Variants in PTGER3 observed in about 807,000 individuals in gnomAD.
PTGER3 encodes the protein prostaglandin E2 receptor EP3 subtype.
A neutral mutation model predicts 34.7 loss-of-function variants in PTGER3; 22 were observed. That is an observed-to-expected ratio of 0.63 (90% CI 0.45 to 0.91). The LOEUF (loss-of-function observed/expected upper bound fraction) is 0.91, where lower values mean the gene tolerates loss of function less well. PTGER3 is among the 40% of genes least tolerant of loss of function. The pLI is 0.00. For missense variants in PTGER3, 468 were observed against 519.4 expected, an observed-to-expected ratio of 0.90 and a Z score of 0.96; for synonymous variants, 241 against 230.1, an observed-to-expected ratio of 1.05 and a Z score of -0.43.
intron 1 of PTGER3, among the ~76,000 whole-genome samples, chr1:71,038,364 T>A (rs559968495): frequency 6.6e-6 from 1 of 152,346 alleles, no homozygotes; most frequent in Admixed American, 6.5e-5. Flanking sequence ...CATGGCCTTT[T>A]GTTTTTGTAT....
intron 1 of PTGER3, among the ~76,000 whole-genome samples, chr1:71,029,831 C>T (rs1256808705): frequency 6.6e-6 from 1 of 151,786 alleles, no homozygotes; most frequent in African/African-American, 2.4e-5. Flanking sequence ...GAGGCTGAGG[C>T]AGGAGAATCA....
At chr1:70,937,551 T>C (rs1233937253) in intron 4 of PTGER3, among the ~76,000 whole-genome samples, 1 of 152,120 alleles carries the variant, frequency 6.6e-6, no homozygotes, top group Non-Finnish European at 1.5e-5. Flanking sequence ...AAAGGAATAG[T>C]TAGGTGAAGA....
chr1:70,870,914 T>A (rs1289097573), intron 4 of PTGER3, among the ~76,000 whole-genome samples: 3 of 152,214 alleles, frequency 2.0e-5, no homozygotes, highest in Non-Finnish European at 4.4e-5. Context: ...GTTTACCTCA[T>A]CTTCCTGTCG....
At chr1:70,872,621 T>C (rs1646186281) in intron 4 of PTGER3, among the ~76,000 whole-genome samples, 1 of 152,308 alleles carries the variant, frequency 6.6e-6, no homozygotes, top group African/African-American at 2.4e-5. Flanking sequence ...CAGACCTCAT[T>C]CTATTTGACG....
At chr1:71,015,116 T>C (rs186077041) in intron 1 of PTGER3, among the ~76,000 whole-genome samples, 38 of 152,312 alleles carry the variant, frequency 2.5e-4, no homozygotes, top group African/African-American at 8.2e-4. Context: ...TTAATCCTCA[T>C]CATTTCTACT....
intron 4 of PTGER3, among the ~76,000 whole-genome samples, chr1:70,921,314 G>T (rs1048312862): frequency 1.3e-5 from 2 of 152,164 alleles, no homozygotes; most frequent in Non-Finnish European, 2.9e-5. Flanking sequence ...CAGTGTCACT[G>T]CAAAGGGTGG....
At chr1:70,887,080 CT>C (rs1276990194) in intron 4 of PTGER3, among the ~76,000 whole-genome samples, 1 of 152,214 alleles carries the variant, frequency 6.6e-6, no homozygotes, top group East Asian at 1.9e-4. Context: ...ATAATTTTTC[CT>C]TTGGGCATGA....
intron 4 of PTGER3, among the ~76,000 whole-genome samples, chr1:70,930,509 C>T (rs1421189437): frequency 6.6e-6 from 1 of 152,166 alleles, no homozygotes; most frequent in Non-Finnish European, 1.5e-5. Flanking sequence ...TATTAGTCCA[C>T]TTATGTGCTG....
intron 4 of PTGER3, among the ~76,000 whole-genome samples, chr1:70,923,943 T>C (rs1647799359): frequency 6.6e-6 from 1 of 152,186 alleles, no homozygotes; most frequent in African/African-American, 2.4e-5. Flanking sequence ...GGCATGCTTT[T>C]CTTTAAGAAA....
chr1:70,862,395 C>A (rs1473864591), intron 4 of PTGER3: 2 of 1,364,234 alleles, frequency 1.5e-6, no homozygotes, highest in Non-Finnish European at 2.0e-6. Context: ...CTGCAGGGTT[C>A]TCCTATTATG....
At chr1:70,981,311 CCTTCCTTTCTTCTTTCTTTCT>C (rs1654250769) in intron 2 of PTGER3, among the ~76,000 whole-genome samples, 6 of 62,312 alleles carry the variant, frequency 9.6e-5, no homozygotes, top group East Asian at 4.1e-4. Context: ...TTCCTTCCTT[CCTTCCTTTCTTCTTTCTTTCT>C]TTCTTTCTTT....
intron 4 of PTGER3, among the ~76,000 whole-genome samples, chr1:70,856,299 G>A (rs1470445117): frequency 6.6e-6 from 1 of 152,050 alleles, no homozygotes; most frequent in Admixed American, 6.5e-5. Context: ...AATTAGCTGG[G>A]TGTGGTGGCA....
intron 4 of PTGER3, among the ~76,000 whole-genome samples, chr1:70,881,684 G>C (rs1359794256): frequency 1.3e-5 from 2 of 152,188 alleles, no homozygotes; most frequent in African/African-American, 4.8e-5. Flanking sequence ...GTCTGCTCCT[G>C]GGTCTTGGAG....
chr1:70,933,008 ATATGT>A (rs1206162007), intron 4 of PTGER3, among the ~76,000 whole-genome samples: 3 of 152,164 alleles, frequency 2.0e-5, no homozygotes, highest in Non-Finnish European at 4.4e-5. Flanking sequence ...TATCAGTATC[ATATGT>A]TATATTTTAA....
intron 4 of PTGER3, among the ~76,000 whole-genome samples, chr1:70,880,339 T>C (rs1366666879): frequency 6.6e-6 from 1 of 152,034 alleles, no homozygotes; most frequent in Non-Finnish European, 1.5e-5. Flanking sequence ...CTTATGAAAC[T>C]AGTTTGGCTG....
At chr1:71,033,278 C>T (rs564994313) in intron 1 of PTGER3, among the ~76,000 whole-genome samples, 1 of 152,274 alleles carries the variant, frequency 6.6e-6, no homozygotes, top group African/African-American at 2.4e-5. Context: ...GTCTCCAAAA[C>T]ACTATGTCAA....
intron 2 of PTGER3, chr1:71,008,845 A>G: frequency 1.0e-6 from 1 of 960,068 alleles, no homozygotes; most frequent in Non-Finnish European, 1.2e-6. Context: ...TCTTCAAGTT[A>G]GGCTTTTTAT....
At chr1:70,897,724 T>C (rs1646751111) in intron 4 of PTGER3, among the ~76,000 whole-genome samples, 1 of 152,214 alleles carries the variant, frequency 6.6e-6, no homozygotes, top group African/African-American at 2.4e-5. Flanking sequence ...CAGGAATGTT[T>C]CCTGGTTTCC....
intron 2 of PTGER3, among the ~76,000 whole-genome samples, chr1:70,981,645 G>A (rs1479751407): frequency 6.6e-6 from 1 of 151,914 alleles, no homozygotes; most frequent in African/African-American, 2.4e-5. Flanking sequence ...CTGAGCTCAA[G>A]TGATCCTCCC....
Sources: gnomAD v4.1 joint callset for allele counts (sites outside exome capture counted in the v4.1 genomes callset) on GRCh38, gnomAD v4.1.1 for gene constraint, MANE v1.5 for transcripts, NCBI Gene and HGNC (gene_info 2026-07-23, HGNC 2026-07-21) for gene names.